TGFBR2: variants seen among roughly 807,000 people sequenced by gnomAD.
TGFBR2 encodes transforming growth factor beta receptor 2.
Under a neutral mutation model 49.0 loss-of-function variants are expected in TGFBR2, and 18 were observed. The ratio of observed to expected loss-of-function variants is 0.37; its 90% CI spans 0.25 to 0.54. The LOEUF (loss-of-function observed/expected upper bound fraction) is 0.54, where lower values mean the gene tolerates loss of function less well. Among genes scored for constraint, TGFBR2 ranks in the 20% least tolerant of loss-of-function variants. The pLI, the probability that TGFBR2 is intolerant of heterozygous loss-of-function variation, is 0.85. For missense variants in TGFBR2, 525 were observed against 722.6 expected (o/e 0.73, Z 3.13); for synonymous variants, 282 against 275.9 (o/e 1.02, Z -0.22).
Position 30,606,887 on chromosome 3 carries a change from G to A in TGFBR2, c.4G>A (p.Gly2Ser). 1 of 1,560,118 alleles carries A rather than the reference G, an allele frequency of 6.4e-7. No homozygotes were observed. The highest frequency in any genetic ancestry group is 1.2e-5 in the South Asian group (1 of 85,960). ...ATGACGAGCAGCGGGGTCTGCCATG[G>A]GTCGGGGGCTGCTCAGGGGCCTGTG... M[G>S]RGLLRGLWPL... Residue 2 changes from glycine (G) to serine (S), a missense_variant, in exon 1 of 7, where the codon GGT (glycine) becomes AGT (serine). Physicochemically the swap from Gly to Ser is moderately conservative, Grantham distance 56 (BLOSUM62 0). This residue lies in a region of TGFBR2 where 376 missense variants were observed against 478.2 expected (regional missense o/e 0.79). Coordinates refer to ENST00000295754, the MANE Select transcript of TGFBR2 (RefSeq NM_003242.6).
rs115227792 is a variant in TGFBR2, at chr3:30,677,522, G to C, written c.1396+3276G>C. Among the ~76,000 whole-genome samples, 1,419 of 152,304 alleles carry C rather than the reference G, an allele frequency of 9.3e-3. 29 individuals carry two copies. The highest frequency in any genetic ancestry group is 0.033 in the African/African-American group (1,362 of 41,564). On this transcript the variant is annotated intron_variant, in intron 5 of 6. Transcript: ENST00000295754. ...CAAAGCCGTTCACTTGATTAAGCGT[G>C]TGAACTCACGTAGTAAGCTCCTTCT...
chr3:30,662,438 G>A (rs533871941), intron 3 of TGFBR2, among the ~76,000 whole-genome samples: 1 of 152,306 alleles, frequency 6.6e-6, no homozygotes, highest in South Asian at 2.1e-4. Flanking sequence ...TAGGAGAGGT[G>A]GCGAATAGCT....
chr3:30,658,264 A>G (rs760296932), intron 3 of TGFBR2, among the ~76,000 whole-genome samples: 14 of 152,218 alleles, frequency 9.2e-5, no homozygotes, highest in East Asian at 1.9e-4. Flanking sequence ...TCTAGCAAAT[A>G]TGTACCTACA....
At chr3:30,614,522 C>A (rs1698096475) in intron 1 of TGFBR2, among the ~76,000 whole-genome samples, 1 of 152,160 alleles carries the variant, frequency 6.6e-6, no homozygotes, top group African/African-American at 2.4e-5. Flanking sequence ...CTGTCACGCC[C>A]AAATCCTGCA....
intron 5 of TGFBR2, among the ~76,000 whole-genome samples, chr3:30,674,918 T>C (rs950680151): frequency 2.6e-5 from 4 of 152,098 alleles, no homozygotes; most frequent in African/African-American, 9.7e-5. Flanking sequence ...CACACTGTCA[T>C]AGCCTCCCAG....
At chr3:30,686,406 A>G (rs1244367895) in intron 5 of TGFBR2, among the ~76,000 whole-genome samples, 1 of 152,198 alleles carries the variant, frequency 6.6e-6, no homozygotes, top group African/African-American at 2.4e-5. Context: ...ACAGGAGGAT[A>G]GTTTGTGGTT....
intron 1 of TGFBR2, among the ~76,000 whole-genome samples, chr3:30,620,380 AT>A (rs199649495): frequency 2.0e-5 from 3 of 150,250 alleles, no homozygotes; most frequent in Non-Finnish European, 4.4e-5. Context: ...GGGGAGTGCT[AT>A]TTTTTTTTCT....
intron 5 of TGFBR2, among the ~76,000 whole-genome samples, chr3:30,675,183 T>C (rs1022647166): frequency 6.6e-6 from 1 of 152,184 alleles, no homozygotes; most frequent in Admixed American, 6.5e-5. Flanking sequence ...CATAAAGCAA[T>C]AGAATTCTGG....
intron 1 of TGFBR2, among the ~76,000 whole-genome samples, chr3:30,607,799 A>AAAT (rs1367214755): frequency 4.0e-4 from 56 of 138,310 alleles, no homozygotes; most frequent in African/African-American, 1.4e-3. Flanking sequence ...AAAATAAAAA[A>AAAT]ATATATATAT....
Position 30,647,514 on chromosome 3 carries a change from A to C in TGFBR2, c.263+2599A>C, listed in dbSNP as rs190326431. Among the ~76,000 whole-genome samples, 389 of 152,162 alleles carry C rather than the reference A, an allele frequency of 2.6e-3. 5 individuals are homozygous for C. The highest frequency in any genetic ancestry group is 3.9e-3 in the Admixed American group (59 of 15,292). On this transcript the variant is annotated intron_variant, in intron 2 of 6. Coordinates refer to ENST00000295754, the MANE Select transcript of TGFBR2 (RefSeq NM_003242.6). ...GTGGAAACTGAAAGGCTCTACTATG[A>C]TTGTAGATTTCAGTGTTGTTGTTTT...
intron 1 of TGFBR2, among the ~76,000 whole-genome samples, chr3:30,643,185 A>G (rs1224814817): frequency 2.0e-5 from 3 of 152,216 alleles, no homozygotes; most frequent in African/African-American, 7.2e-5. Context: ...CTCTCTAGGC[A>G]AGAGCGGAGG....
In TGFBR2 at chr3:30,680,998, C is replaced by G. The variant is rs189514441; in HGVS notation, c.1396+6752C>G. Among the ~76,000 whole-genome samples, 72 of 152,086 alleles carry G rather than the reference C, an allele frequency of 4.7e-4. 2 individuals are homozygous for G. In the East Asian group the frequency reaches 0.012, roughly 26 times the overall value. On this transcript the variant is annotated intron_variant, in intron 5 of 6. Transcript: ENST00000295754. The stretch of plus-strand genomic sequence containing the variant: ...GCAAAATACTCTCGTCATCCCCAGC[C>G]AAACTGGCCTGCAAGCACACTGACT...
intron 1 of TGFBR2, among the ~76,000 whole-genome samples, chr3:30,636,199 G>GTA (rs1553626435): frequency 7.1e-6 from 1 of 139,948 alleles, no homozygotes; most frequent in Non-Finnish European, 1.5e-5. Flanking sequence ...GTGTGTGTGT[G>GTA]TATAGTACTG....
chr3:30,613,479 C>T (rs1410521603), intron 1 of TGFBR2, among the ~76,000 whole-genome samples: 2 of 151,800 alleles, frequency 1.3e-5, no homozygotes, highest in East Asian at 1.9e-4. Context: ...AATCTCTGCA[C>T]GAGGGTTGTT....
intron 5 of TGFBR2, among the ~76,000 whole-genome samples, chr3:30,686,157 C>G (rs1361700409): frequency 2.6e-5 from 4 of 152,094 alleles, no homozygotes; most frequent in Non-Finnish European, 5.9e-5. Context: ...TGAATTCAAC[C>G]GAACTCATAT....
At chr3:30,607,927 C>T (rs1207959013) in intron 1 of TGFBR2, among the ~76,000 whole-genome samples, 1 of 147,936 alleles carries the variant, frequency 6.8e-6, no homozygotes, top group Non-Finnish European at 1.5e-5. Flanking sequence ...TGTAAAACCT[C>T]TGAGACTTCA....
At chr3:30,614,380 G>A (rs1352248422) in intron 1 of TGFBR2, among the ~76,000 whole-genome samples, 1 of 152,116 alleles carries the variant, frequency 6.6e-6, no homozygotes, top group African/African-American at 2.4e-5. Flanking sequence ...CAACATGAAT[G>A]CCTTTGAAAG....
At chr3:30,642,253 T>G (rs1262631915) in intron 1 of TGFBR2, among the ~76,000 whole-genome samples, 1 of 151,750 alleles carries the variant, frequency 6.6e-6, no homozygotes, top group African/African-American at 2.4e-5. Flanking sequence ...TCCAGCTATA[T>G]CCAGGTGCTG....
chr3:30,649,725 A>G (rs2125409156), intron 2 of TGFBR2, among the ~76,000 whole-genome samples: 1 of 152,228 alleles, frequency 6.6e-6, no homozygotes, highest in East Asian at 1.9e-4. Context: ...GCTGTTGACA[A>G]GGAGTATACC....
Sources: gnomAD v4.1 joint callset for allele counts (sites outside exome capture counted in the v4.1 genomes callset) on GRCh38, gnomAD v4.1.1 for gene constraint, gnomAD v4.1.1 regional missense constraint, MANE v1.5 for transcripts, NCBI Gene and HGNC (gene_info 2026-07-23, HGNC 2026-07-21) for gene names.